ESR2: variants seen among roughly 807,000 people sequenced by gnomAD.
The protein encoded by ESR2 is estrogen receptor beta.
In ESR2, 36 loss-of-function variants were observed where a neutral mutation model predicts 49.6. The observed-to-expected ratio is 0.73, with a 90% CI of 0.56 to 0.96. ESR2 has a LOEUF of 0.96. Among genes scored for constraint, ESR2 ranks in the 40% least tolerant of loss-of-function variants. The pLI, the probability that ESR2 is intolerant of heterozygous loss-of-function variation, is 0.00. For synonymous variants in ESR2, 320 were observed against 266.1 expected, an observed-to-expected ratio of 1.20 and a Z score of -1.97; for missense variants, 714 against 693.0, an observed-to-expected ratio of 1.03 and a Z score of -0.34.
At chr14:64,235,311 C>T (rs570296662) in intron 7 of ESR2, among the ~76,000 whole-genome samples, 161 bp from the exon 8 acceptor site, 3 of 152,356 alleles carry the variant, frequency 2.0e-5, no homozygotes, top group South Asian at 2.1e-4. Flanking sequence ...CCCAGGGGAT[C>T]TTCCCTGAGA....
intron 6 of ESR2, among the ~76,000 whole-genome samples, chr14:64,255,488 A>C (rs1248259344): frequency 6.6e-5 from 10 of 152,210 alleles, no homozygotes; most frequent in Admixed American, 6.5e-4. Flanking sequence ...TCTGTTCTGC[A>C]GAATGTGCTC....
intron 6 of ESR2, among the ~76,000 whole-genome samples, chr14:64,252,964 T>A (rs1286091879): frequency 6.6e-6 from 1 of 152,080 alleles, no homozygotes; most frequent in Non-Finnish European, 1.5e-5. Flanking sequence ...CAAGTGATTC[T>A]CCTGCCTCAG....
chr14:64,317,658 T>C (rs2077273612), intron 1 of ESR2, among the ~76,000 whole-genome samples: 1 of 152,180 alleles, frequency 6.6e-6, no homozygotes, highest in African/African-American at 2.4e-5. Flanking sequence ...GTAGCATAAA[T>C]ATCCAAACAA....
At chr14:64,288,348 CTT>C (rs10560135) in intron 1 of ESR2, among the ~76,000 whole-genome samples, 53,706 of 130,986 alleles carry the variant, frequency 0.41, 12,857 homozygotes, top group African/African-American at 0.74. Context: ...AAAGACTACA[CTT>C]TTTTTTTTTT....
At chr14:64,290,636 C>T (rs2076856598) in intron 1 of ESR2, among the ~76,000 whole-genome samples, 1 of 152,134 alleles carries the variant, frequency 6.6e-6, no homozygotes, top group Non-Finnish European at 1.5e-5. Flanking sequence ...CTCCTGCCCT[C>T]AAGTGATCCA....
rs528477173 is a variant in ESR2 at position 64,286,309 on chromosome 14, A to AT, written c.-90-3235dup. Among the ~76,000 whole-genome samples, 1,444 of 149,884 alleles carry AT rather than the reference A, an allele frequency of 9.6e-3. 21 individuals carry two copies. Among genetic ancestry groups the AT allele is most frequent in the African/African-American group, 0.033 (1,352 of 40,940 alleles). ...TAATGAGTATGGAATTTTATATTTC[A>AT]TTTTTTTTTTACATGGAGTTTCGCT... On this transcript the variant is annotated intron_variant, in intron 1 of 8. Coordinates refer to ENST00000341099, the MANE Select transcript of ESR2 (RefSeq NM_001437.3).
rs2076915371 is a variant in ESR2, at chr14:64,294,034, T to G, written c.-92A>C. Reference sequence around the variant, plus strand: ...CACCTCGAGCGAAGGGGCGCTTACCTTGCAGATAAACACACCGGCCTTGCC... The same window carrying G: ...CACCTCGAGCGAAGGGGCGCTTACCGTGCAGATAAACACACCGGCCTTGCC... On this transcript the variant is annotated splice_region_variant and 5_prime_UTR_variant, in exon 1 of 9. Coordinates refer to ENST00000341099, the MANE Select transcript of ESR2 (RefSeq NM_001437.3). 1 of 152,276 alleles carries G rather than the reference T, an allele frequency of 6.6e-6. No homozygotes were observed. The highest frequency in any genetic ancestry group is 1.5e-5 in the Non-Finnish European group (1 of 68,058). 9.4% of individuals were successfully genotyped at this position (152,276 alleles called of 1,614,324 possible). A position where few individuals can be genotyped will look rare whatever the true frequency, so the allele number is the denominator to read the frequency against.
upstream of ESR2, among the ~76,000 whole-genome samples, chr14:64,297,924 G>T (rs1256528116): frequency 4.6e-5 from 7 of 152,038 alleles, no homozygotes; most frequent in Admixed American, 1.3e-4. Flanking sequence ...TATTATGTGG[G>T]TATAAATTGG....
Position 64,233,339 on chromosome 14 carries a change from G to A in ESR2, c.1407-16C>T. On this transcript the variant is annotated splice_polypyrimidine_tract_variant and intron_variant, in intron 8 of 8. Transcript: ENST00000341099. The stretch of plus-strand genomic sequence containing the variant: ...GCCCTTGTTACTATGGGGACAAAAA[G>A]GTGCTGAGATTCCCTCCTCCGAGGC... 1.2e-6 allele frequency: 2 copies of A among 1,600,612 alleles called. No homozygotes were observed. The highest frequency in any genetic ancestry group is 1.7e-6 in the Non-Finnish European group (2 of 1,168,828).
chr14:64,288,073 T>C (rs2076809957), intron 1 of ESR2, among the ~76,000 whole-genome samples: 1 of 152,138 alleles, frequency 6.6e-6, no homozygotes, highest in Non-Finnish European at 1.5e-5. Flanking sequence ...TCCTGGGTGG[T>C]GAACAGGCTT....
intron 8 of ESR2, 56 bp from the exon 9 acceptor site, chr14:64,233,379 C>G (rs1331715883): frequency 3.0e-5 from 46 of 1,548,180 alleles, no homozygotes; most frequent in Non-Finnish European, 4.0e-5. Flanking sequence ...ACAGGAACCC[C>G]GAAGCCTTCC....
chr14:64,287,024 GTT>G (rs61331470), intron 1 of ESR2, among the ~76,000 whole-genome samples: 12,405 of 141,240 alleles, frequency 0.088, 1,087 homozygotes, highest in African/African-American at 0.22. Flanking sequence ...GCCTGAAGTT[GTT>G]TTTTTTTTTT....
chr14:64,304,799 C>T (rs2077068545), intron 1 of ESR2, among the ~76,000 whole-genome samples: 1 of 151,258 alleles, frequency 6.6e-6, no homozygotes, highest in Non-Finnish European at 1.5e-5. Flanking sequence ...TGGCTTGAGC[C>T]CAGGAGTTTG....
At chr14:64,267,069 C>T (rs1216986064) in intron 4 of ESR2, among the ~76,000 whole-genome samples, 2 of 152,090 alleles carry the variant, frequency 1.3e-5, no homozygotes, top group African/African-American at 4.8e-5. Context: ...TTAGTGGAGA[C>T]AAGGTTTCAC....
chr14:64,312,919 A>C (rs1232395460), intron 1 of ESR2, among the ~76,000 whole-genome samples: 1 of 152,160 alleles, frequency 6.6e-6, no homozygotes, highest in Non-Finnish European at 1.5e-5. Flanking sequence ...AAAAAGAAAA[A>C]AATAAATAAA....
intron 1 of ESR2, among the ~76,000 whole-genome samples, chr14:64,284,090 C>T (rs888837117): frequency 6.6e-6 from 1 of 151,762 alleles, no homozygotes; most frequent in African/African-American, 2.4e-5. Flanking sequence ...CTGTGACTGG[C>T]TAATTTGTTG....
chr14:64,290,847 C>T (rs758492563), intron 1 of ESR2, among the ~76,000 whole-genome samples: 7 of 152,108 alleles, frequency 4.6e-5, no homozygotes, highest in Non-Finnish European at 1.0e-4. Context: ...CATAAGGAAA[C>T]CCTGTTTCCT....
Position 64,267,780 on chromosome 14 carries a change from A to G in ESR2, c.652+1015T>C, listed in dbSNP as rs377053010. On this transcript the variant is annotated intron_variant, in intron 4 of 8. Coordinates refer to ENST00000341099, the MANE Select transcript of ESR2 (RefSeq NM_001437.3). The stretch of plus-strand genomic sequence containing the variant: ...GTGCCTGTAGTCCCAGCTACTTGGG[A>G]GGCTGAGGCAGGAGAATGATGTGAA... Among the ~76,000 whole-genome samples the G allele has an allele frequency of 6.1e-4, 92 of 150,722 alleles. No individual in the cohort carries two copies. In the East Asian group the frequency reaches 0.01, roughly 17 times the overall value.
intron 7 of ESR2, among the ~76,000 whole-genome samples, chr14:64,247,092 T>G (rs1391907052): frequency 5.3e-5 from 8 of 152,198 alleles, no homozygotes; most frequent in Admixed American, 2.0e-4. Context: ...TCTCCAGAGC[T>G]AATGTATGGT....
Sources: gnomAD v4.1 joint callset for allele counts (sites outside exome capture counted in the v4.1 genomes callset) on GRCh38, gnomAD v4.1.1 for gene constraint, MANE v1.5 for transcripts, NCBI Gene and HGNC (gene_info 2026-07-23, HGNC 2026-07-21) for gene names.